Variants in HSD17B4 observed in about 807,000 individuals in gnomAD.
HSD17B4 encodes hydroxysteroid 17-beta dehydrogenase 4, also known as peroxisomal multifunctional enzyme type 2.
A neutral mutation model predicts 101.0 loss-of-function variants in HSD17B4; 70 were observed. That is an observed-to-expected ratio of 0.69 (90% CI 0.57 to 0.85). The LOEUF is 0.85. Ranked by LOEUF, HSD17B4 falls within the 40% of genes least tolerant of loss-of-function variation. HSD17B4 has a pLI of 0.00. For missense variants in HSD17B4, 984 were observed against 892.4 expected (o/e 1.10, Z -1.31); for synonymous variants, 347 against 297.1 (o/e 1.17, Z -1.73).
At chr5:119,468,331 T>C (rs1248137106) in intron 2 of HSD17B4, among the ~76,000 whole-genome samples, 1 of 152,122 alleles carries the variant, frequency 6.6e-6, no homozygotes, top group African/African-American at 2.4e-5. Context: ...TTTTTTCTTG[T>C]CTGGGAAAGA....
In HSD17B4 at chr5:119,496,635, A is replaced by G. The variant is rs773233283; in HGVS notation, c.961A>G (p.Thr321Ala). ...TACTAGTCGTGCAACGTCTACAGCA[A>G]CATCAGGATTTGTAAGTGGGAAAAA... ...NHTSRATSTA[T>A]SGFAGAIGQK... The change falls in exon 12 of 24, where the codon ACA becomes GCA. Residue 321 changes from threonine to alanine, a missense_variant. Transcript: ENST00000510025. 1.3e-6 allele frequency: 2 copies of G among 1,585,638 alleles called. No homozygotes were observed. The highest frequency in any genetic ancestry group is 2.7e-5 in the African/African-American group (2 of 74,288).
At chr5:119,506,921 G>T (rs1207863877) in intron 15 of HSD17B4, 32 bp downstream of exon 15, 3 of 1,125,482 alleles carry the variant, frequency 2.7e-6, no homozygotes, top group Non-Finnish European at 4.1e-6. Context: ...TAATAATATT[G>T]TTAGATTGAT....
intron 8 of HSD17B4, among the ~76,000 whole-genome samples, chr5:119,480,438 C>A (rs1294495015): frequency 6.6e-6 from 1 of 151,868 alleles, no homozygotes; most frequent in Non-Finnish European, 1.5e-5. Flanking sequence ...TCTGTGATGC[C>A]CCACAAGCCA....
Position 119,492,084 on chromosome 5 carries a change from C to T in HSD17B4, c.715-16C>T. 6.2e-7 allele frequency: 1 copy of T among 1,603,362 alleles called. No homozygotes were observed. The highest frequency in any genetic ancestry group is 8.5e-7 in the Non-Finnish European group (1 of 1,170,660). The stretch of plus-strand genomic sequence containing the variant: ...TCACATTAGATGGTATAATGTTTTC[C>T]CCCTCTTTTTGGTAGGTTGGAGCAG... On this transcript the variant is annotated splice_polypyrimidine_tract_variant and intron_variant, in intron 9 of 23. Transcript: ENST00000510025.
intron 2 of HSD17B4, chr5:119,464,559 A>G (rs906417023): frequency 1.3e-5 from 2 of 151,602 alleles, no homozygotes; most frequent in African/African-American, 4.8e-5. Flanking sequence ...ATCTATTTTT[A>G]TGTCACTACC....
At chr5:119,502,865 G>T (rs257970) in intron 14 of HSD17B4, among the ~76,000 whole-genome samples, 82,917 of 151,872 alleles carry the variant, frequency 0.55, 22,810 homozygotes, top group Admixed American at 0.58. Flanking sequence ...ATAGCATAAG[G>T]TTTCAAAACA....
rs1453953213 is a variant in HSD17B4 at position 119,492,408 on chromosome 5, T to C, written c.739+284T>C. On this transcript the variant is annotated intron_variant, in intron 10 of 23. Transcript: ENST00000510025. ...TGGCTATTCCTTCAGACAGCATATA[T>C]TGATAATCATCCTCCCATGTCTTTG... 1.7e-5 allele frequency: 7 copies of C among 402,214 alleles called. No homozygotes were observed. The East Asian group carries it at 3.1e-4, about 18-fold the overall frequency. The allele number at this position is 402,214 out of a possible 1,614,324, so 24.9% of individuals were successfully genotyped here. A position where few individuals can be genotyped will look rare whatever the true frequency, so the allele number is the denominator to read the frequency against.
At chr5:119,464,412 C>T (rs552006592) in intron 2 of HSD17B4, among the ~76,000 whole-genome samples, 1 of 152,200 alleles carries the variant, frequency 6.6e-6, no homozygotes, top group East Asian at 1.9e-4. Context: ...ATATGGATAT[C>T]CAGTTTTCCC....
At chr5:119,466,171 GA>G (rs1383489959) in intron 2 of HSD17B4, among the ~76,000 whole-genome samples, 3 of 152,114 alleles carry the variant, frequency 2.0e-5, no homozygotes, top group Non-Finnish European at 2.9e-5. Flanking sequence ...ACTTGATTGT[GA>G]TATATTATCT....
chr5:119,508,658 A>G (rs947425775), intron 15 of HSD17B4, among the ~76,000 whole-genome samples: 2 of 152,168 alleles, frequency 1.3e-5, no homozygotes, highest in Non-Finnish European at 2.9e-5. Flanking sequence ...CTGTACAGGA[A>G]CTATTCTAGT....
intron 21 of HSD17B4, among the ~76,000 whole-genome samples, chr5:119,530,845 C>CAAAAAAAA (rs11423247): frequency 3.6e-3 from 198 of 55,530 alleles, no homozygotes; most frequent in East Asian, 0.011. Context: ...AAGTCTGTCT[C>CAAAAAAAA]AAAAAAAAAA....
chr5:119,511,307 A>G (rs1488764421), intron 16 of HSD17B4, among the ~76,000 whole-genome samples: 1 of 152,190 alleles, frequency 6.6e-6, no homozygotes, highest in Non-Finnish European at 1.5e-5. Context: ...CAATTAAGAG[A>G]AGGCTGGTAG....
chr5:119,509,245 G>A lies in HSD17B4; in HGVS notation c.1437+1G>A. 1 of 1,565,104 alleles carries A rather than the reference G, an allele frequency of 6.4e-7. No homozygotes were observed. Among genetic ancestry groups the A allele is most frequent in the Non-Finnish European group, 8.8e-7 (1 of 1,135,302 alleles). On this transcript the variant is annotated splice_donor_variant, in intron 16 of 23. Coordinates refer to ENST00000510025, the MANE Select transcript of HSD17B4 (RefSeq NM_000414.4). LOFTEE classifies it high-confidence loss of function. ...AAAACGGACATCAGACAAAGTCAAG[G>A]TAAGCCATGACTTTGTAAGCAAAAT...
At chr5:119,473,522 G>A (rs1748240598) in intron 2 of HSD17B4, among the ~76,000 whole-genome samples, 1 of 151,842 alleles carries the variant, frequency 6.6e-6, no homozygotes, top group South Asian at 2.1e-4. Flanking sequence ...ATCTTGCTAT[G>A]TTGCCCAGGC....
intron 1 of HSD17B4, among the ~76,000 whole-genome samples, chr5:119,455,120 G>A (rs1754480882): frequency 6.6e-6 from 1 of 152,140 alleles, no homozygotes; most frequent in African/African-American, 2.4e-5. Context: ...CCAGAAGTAA[G>A]CCTTCCACCC....
chr5:119,489,331 AC>A, intron 9 of HSD17B4, 48 bp downstream of exon 9: 1 of 1,206,476 alleles, frequency 8.3e-7, no homozygotes, highest in East Asian at 2.3e-5. Context: ...CCAGTTGCTT[AC>A]ATTTGTAAAA....
intron 1 of HSD17B4, among the ~76,000 whole-genome samples, chr5:119,455,825 CT>C (rs1387089349): frequency 1.3e-5 from 2 of 152,118 alleles, no homozygotes; most frequent in African/African-American, 4.8e-5. Flanking sequence ...GTCATTGGAG[CT>C]GTGCCACAGC....
chr5:119,517,577 G>T (rs1392395067), intron 17 of HSD17B4, among the ~76,000 whole-genome samples: 1 of 152,260 alleles, frequency 6.6e-6, no homozygotes, highest in Non-Finnish European at 1.5e-5. Context: ...CCTGAGTCTG[G>T]TGGGGACATG....
rs763209464 is a variant in HSD17B4 at position 119,475,806 on chromosome 5, A to G, written c.303-18A>G. 3 of 1,592,622 alleles carry G rather than the reference A, an allele frequency of 1.9e-6. No individual in the cohort carries two copies. Among genetic ancestry groups the G allele is most frequent in the Non-Finnish European group, 2.6e-6 (3 of 1,160,630 alleles). On this transcript the variant is annotated intron_variant, in intron 5 of 23. Transcript: ENST00000510025. ...ATATACTTTCCTCCTTTTACCCTAT[A>G]CAACATTGATTTTTTAGAATTCTGA...
Sources: allele counts gnomAD v4.1 joint callset (sites outside exome capture counted in the v4.1 genomes callset), GRCh38; gene constraint gnomAD v4.1.1; transcripts MANE v1.5; gene names NCBI Gene and HGNC (gene_info 2026-07-23, HGNC 2026-07-21).